Variants in ABTB2 observed in about 807,000 individuals in gnomAD.
ABTB2 encodes ankyrin repeat and BTB/POZ domain-containing protein 2.
A neutral mutation model predicts 104.1 loss-of-function variants in ABTB2; 56 were observed. The ratio of observed to expected loss-of-function variants is 0.54; its 90% confidence interval spans 0.43 to 0.67. The LOEUF is 0.67. ABTB2 is among the 30% of genes least tolerant of loss of function. The pLI is 0.00. For missense variants in ABTB2, 1,279 were observed against 1,407.7 expected, an observed-to-expected ratio of 0.91 and a Z score of 1.46; for synonymous variants, 606 against 608.2, an observed-to-expected ratio of 1.00 and a Z score of 0.05.
intron 1 of ABTB2, among the ~76,000 whole-genome samples, chr11:34,267,161 G>A (rs983764393): frequency 1.3e-5 from 2 of 152,176 alleles, no homozygotes; most frequent in African/African-American, 4.8e-5. Context: ...CCAGCCATGT[G>A]TCACGACGGC....
chr11:34,216,568 T>G (rs1023103965), intron 1 of ABTB2, among the ~76,000 whole-genome samples: 6 of 151,994 alleles, frequency 3.9e-5, no homozygotes, highest in African/African-American at 1.4e-4. Context: ...CTGGCCAACA[T>G]GGTAAAACCC....
At position 34,356,335 on chromosome 11, in the gene ABTB2, A is replaced by G. The variant is rs1564940463; in HGVS notation, c.883+366T>C. Among the ~76,000 whole-genome samples, 1 of 152,242 alleles carries G rather than the reference A, an allele frequency of 6.6e-6. No homozygotes were observed. The highest frequency in any genetic ancestry group is 1.5e-5 in the Non-Finnish European group (1 of 68,052). ...CAATCTAACCAGCTGTTGGGGAAAG[A>G]CAGCAGCTAGAGACCTAGTCAATCA... On this transcript the variant is annotated intron_variant, in intron 1 of 16. Transcript: ENST00000435224. The surrounding 1 kb of genome is among the most constrained non-coding windows in gnomAD (Gnocchi z 4.6).
rs549258988 is a variant in ABTB2 at position 34,350,914 on chromosome 11, C to T, written c.883+5787G>A. On this transcript the variant is annotated intron_variant, in intron 1 of 16. Transcript: ENST00000435224. ...GCTGTGAATTCTGGACTCATGGAGA[C>T]CTCTCAGTGAAAGGACACACATTCA... Among the ~76,000 whole-genome samples the T allele has an allele frequency of 1.6e-4, 24 of 152,246 alleles. No individual in the cohort carries two copies. The South Asian group carries it at 5.0e-3, about 32-fold the overall frequency.
intron 1 of ABTB2, among the ~76,000 whole-genome samples, chr11:34,298,367 G>C (rs1328062922): frequency 6.7e-6 from 1 of 149,024 alleles, no homozygotes; most frequent in African/African-American, 2.5e-5. Flanking sequence ...ATGCAAAAAA[G>C]TTATAGAAAG....
At chr11:34,173,395 G>A (rs1268563469) in intron 3 of ABTB2, 88 bp from the exon 4 acceptor site, 1 of 1,443,834 alleles carries the variant, frequency 6.9e-7, no homozygotes, top group African/African-American at 1.4e-5. Context: ...GGTGCTTCTT[G>A]TGGGGCAGCA....
intron 1 of ABTB2, among the ~76,000 whole-genome samples, chr11:34,215,036 T>C (rs1853533637): frequency 6.6e-6 from 1 of 152,126 alleles, no homozygotes; most frequent in Non-Finnish European, 1.5e-5. Flanking sequence ...CCCCAGGTGG[T>C]GGTGACTCAG....
At chr11:34,299,335 G>A (rs1188930914) in intron 1 of ABTB2, among the ~76,000 whole-genome samples, 1 of 152,144 alleles carries the variant, frequency 6.6e-6, no homozygotes, top group Non-Finnish European at 1.5e-5. Flanking sequence ...CAAAGAAAAT[G>A]AAATCCAAAT....
chr11:34,188,850 GA>G (rs1177443948), intron 3 of ABTB2, among the ~76,000 whole-genome samples: 1 of 152,208 alleles, frequency 6.6e-6, no homozygotes, highest in Non-Finnish European at 1.5e-5. Flanking sequence ...AGTGCTGTCT[GA>G]GGGAAACATT....
At chr11:34,349,613 G>A (rs1440048361) in intron 1 of ABTB2, among the ~76,000 whole-genome samples, 1 of 152,124 alleles carries the variant, frequency 6.6e-6, no homozygotes, top group Non-Finnish European at 1.5e-5. Context: ...TCCCTCACAG[G>A]GACTCTTATG....
intron 1 of ABTB2, among the ~76,000 whole-genome samples, chr11:34,205,823 G>A (rs1233334697): frequency 1.3e-5 from 2 of 152,154 alleles, no homozygotes; most frequent in African/African-American, 2.4e-5. Flanking sequence ...TGGCTGTCAC[G>A]TAACCAGTGG....
intron 1 of ABTB2, among the ~76,000 whole-genome samples, chr11:34,297,075 T>C (rs1476289146): frequency 1.3e-5 from 2 of 152,226 alleles, no homozygotes; most frequent in Non-Finnish European, 2.9e-5. Context: ...GGACTTACCA[T>C]GCAAAGAAAA....
At chr11:34,309,202 ACT>A (rs1345995982) in intron 1 of ABTB2, among the ~76,000 whole-genome samples, 1 of 152,226 alleles carries the variant, frequency 6.6e-6, no homozygotes, top group African/African-American at 2.4e-5. Context: ...AAGATTAGCC[ACT>A]GTCAGTTGAT....
At chr11:34,198,222 T>C (rs1853287546) in intron 2 of ABTB2, among the ~76,000 whole-genome samples, 3 of 152,066 alleles carry the variant, frequency 2.0e-5, no homozygotes, top group Admixed American at 2.0e-4. Context: ...GCCAGGAGTT[T>C]GAGACCAGCC....
At chr11:34,306,405 C>A (rs1854772658) in intron 1 of ABTB2, among the ~76,000 whole-genome samples, 2 of 151,842 alleles carry the variant, frequency 1.3e-5, no homozygotes. Context: ...CACCACCACA[C>A]CTGGTTAATT....
At chr11:34,323,389 C>CT (rs1222323985) in intron 1 of ABTB2, among the ~76,000 whole-genome samples, 1 of 152,260 alleles carries the variant, frequency 6.6e-6, no homozygotes, top group East Asian at 1.9e-4. Flanking sequence ...AGCCTGTATA[C>CT]TTTTTTAATG....
At chr11:34,355,963 C>T (rs902115092) in intron 1 of ABTB2, among the ~76,000 whole-genome samples, 3 of 152,180 alleles carry the variant, frequency 2.0e-5, no homozygotes, top group South Asian at 4.1e-4. Flanking sequence ...CAGGAAAGAA[C>T]ATTTAATACA....
rs1275799237 is a variant in ABTB2, at chr11:34,196,558, AAAAAG to A, written c.1244+762_1244+766del. Reference sequence around the variant, plus strand: ...AATAGAGCAAGACTCCGTCTAAAAAAAAAAGAAAAGGTATCCTGTCCTCAGGCTGA... The same window carrying A: ...AATAGAGCAAGACTCCGTCTAAAAAAAAAAGGTATCCTGTCCTCAGGCTGA... On this transcript the variant is annotated intron_variant, in intron 3 of 16. Coordinates refer to ENST00000435224, the MANE Select transcript of ABTB2 (RefSeq NM_145804.3). Among the ~76,000 whole-genome samples, 4 of 152,220 alleles carry A rather than the reference AAAAAG, an allele frequency of 2.6e-5. No individual in the cohort carries two copies. The East Asian group carries it at 7.7e-4, about 29-fold the overall frequency.
At chr11:34,220,982 T>C (rs544095151) in intron 1 of ABTB2, among the ~76,000 whole-genome samples, 84 of 152,066 alleles carry the variant, frequency 5.5e-4, no homozygotes, top group African/African-American at 1.9e-3. Flanking sequence ...TTTTTTTTTT[T>C]TCTTTGAGAA....
At chr11:34,327,303 T>C (rs1280226075) in intron 1 of ABTB2, among the ~76,000 whole-genome samples, 1 of 152,150 alleles carries the variant, frequency 6.6e-6, no homozygotes, top group Non-Finnish European at 1.5e-5. Flanking sequence ...TTACTAAGGA[T>C]AAAGAGGGAC....
Sources: allele counts gnomAD v4.1 joint callset (sites outside exome capture counted in the v4.1 genomes callset), GRCh38; gene constraint gnomAD v4.1.1; non-coding constraint Gnocchi (gnomAD v3.1); transcripts MANE v1.5; gene names NCBI Gene and HGNC (gene_info 2026-07-23, HGNC 2026-07-21).